NF1: variants seen among roughly 807,000 people sequenced by gnomAD.
NF1 encodes neurofibromin.
NF1 carries 122 observed loss-of-function variants against 325.7 expected under a neutral mutation model. The ratio of observed to expected loss-of-function variants is 0.37; its 90% CI spans 0.32 to 0.44. The LOEUF is 0.44. Ranked by LOEUF, NF1 falls within the 20% of genes least tolerant of loss-of-function variation. NF1 has a pLI of 1.00. For missense variants in NF1, 2,140 were observed against 3,415.4 expected (o/e 0.63, Z 9.31); for synonymous variants, 1,091 against 1,186.0 (o/e 0.92, Z 1.65).
chr17:31,107,364 A>G (rs1177704041), intron 1 of NF1, among the ~76,000 whole-genome samples: 2 of 152,184 alleles, frequency 1.3e-5, no homozygotes, highest in Non-Finnish European at 2.9e-5. Flanking sequence ...AGATCAACGA[A>G]GACCTGAAGC....
At chr17:31,277,705 GCAGGGTCCCA>G (rs1426630885) in intron 36 of NF1, among the ~76,000 whole-genome samples, 1 of 152,116 alleles carries the variant, frequency 6.6e-6, no homozygotes, top group Non-Finnish European at 1.5e-5. Flanking sequence ...CTCCGTTTCT[GCAGGGTCCCA>G]GTGGGCTGGC....
intron 12 of NF1, among the ~76,000 whole-genome samples, chr17:31,210,446 G>A (rs2066709285): frequency 6.6e-6 from 1 of 152,070 alleles, no homozygotes; most frequent in Non-Finnish European, 1.5e-5. Context: ...TTAGGCAGGC[G>A]TGGTGGCAGG....
At chr17:31,188,415 ATTG>A (rs2066280009) in intron 8 of NF1, among the ~76,000 whole-genome samples, 1 of 152,154 alleles carries the variant, frequency 6.6e-6, no homozygotes, top group African/African-American at 2.4e-5. Context: ...CATTTTAAGT[ATTG>A]TTAACTTTTA....
At chr17:31,096,139 C>T (rs530259460) in intron 1 of NF1, among the ~76,000 whole-genome samples, 3 of 151,400 alleles carry the variant, frequency 2.0e-5, no homozygotes, top group African/African-American at 7.3e-5. Context: ...CTTCCCCCCC[C>T]CCTTTTTTTT....
At position 31,338,271 on chromosome 17, in the gene NF1, A is replaced by C. The variant is rs919207542; in HGVS notation, c.6819+132A>C. On this transcript the variant is annotated intron_variant, in intron 45 of 57. Transcript: ENST00000358273. ...TTATATGTTACTTATTAAGCCTTTA[A>C]AATGTATTTTGATTATTTATTGTAA... is the stretch of plus-strand genomic sequence containing the variant. The C allele has an allele frequency of 7.0e-6, 5 of 718,856 alleles. No individual in the cohort carries two copies. The African/African-American group carries it at 7.1e-5, about 10-fold the overall frequency. 44.5% of individuals were successfully genotyped at this position (718,856 alleles called of 1,614,324 possible). A position where few individuals can be genotyped will look rare whatever the true frequency, so the allele number is the denominator to read the frequency against.
intron 31 of NF1, among the ~76,000 whole-genome samples, chr17:31,256,656 C>T (rs1307286246): frequency 2.6e-5 from 4 of 152,190 alleles, no homozygotes; most frequent in Non-Finnish European, 5.9e-5. Context: ...CTTAATTTTA[C>T]ATCTTTCTAT....
intron 1 of NF1, among the ~76,000 whole-genome samples, chr17:31,149,662 T>G (rs1916801626): frequency 6.6e-6 from 1 of 152,156 alleles, no homozygotes; most frequent in Admixed American, 6.5e-5. Flanking sequence ...GGTGAGTATC[T>G]GGAATGGGGA....
At chr17:31,168,511 T>A (rs1476887094) in intron 4 of NF1, among the ~76,000 whole-genome samples, 1 of 152,202 alleles carries the variant, frequency 6.6e-6, no homozygotes, top group East Asian at 1.9e-4. Context: ...GAGCCTCTGT[T>A]AATCAGTATC....
At chr17:31,227,928 A>G (rs901612413) in intron 20 of NF1, among the ~76,000 whole-genome samples, 1 of 152,234 alleles carries the variant, frequency 6.6e-6, no homozygotes, top group Non-Finnish European at 1.5e-5. Context: ...TGTTCCTGTC[A>G]TCACAGAAAT....
chr17:31,313,044 G>T (rs17884633), intron 36 of NF1, among the ~76,000 whole-genome samples: 2,713 of 151,910 alleles, frequency 0.018, 95 homozygotes, highest in African/African-American at 0.062. Flanking sequence ...AACATTTTTG[G>T]CTTAGTAAGC....
chr17:31,290,771 C>T (rs971195648), intron 36 of NF1, among the ~76,000 whole-genome samples: 4 of 152,034 alleles, frequency 2.6e-5, no homozygotes, highest in Non-Finnish European at 5.9e-5. Flanking sequence ...TTTGGGAGGC[C>T]GAGGCAAGCA....
At chr17:31,214,902 C>T (rs2143963266) in intron 13 of NF1, among the ~76,000 whole-genome samples, 1 of 152,038 alleles carries the variant, frequency 6.6e-6, no homozygotes, top group African/African-American at 2.4e-5. Context: ...AGGTATAATC[C>T]TGGTATGGGG....
intron 36 of NF1, among the ~76,000 whole-genome samples, chr17:31,306,800 A>G (rs1215625658): frequency 6.7e-6 from 1 of 150,312 alleles, no homozygotes; most frequent in African/African-American, 2.4e-5. Flanking sequence ...AGGAGATTAA[A>G]AAAAAAAAAA....
intron 36 of NF1, among the ~76,000 whole-genome samples, chr17:31,307,030 T>A (rs1356656420): frequency 1.4e-5 from 2 of 144,192 alleles, no homozygotes; most frequent in Non-Finnish European, 3.0e-5. Flanking sequence ...ATTACAATAA[T>A]TTTTTTTTTT....
In NF1 at chr17:31,120,603, C is replaced by A. The variant is rs370791057; in HGVS notation, c.60+25234C>A. ...CTATTCAAATACCCTTTATTTTTTT[C>A]TCTTGCCTGATTGCCCTGGCCAGAA... On this transcript the variant is annotated intron_variant, in intron 1 of 57. Transcript: ENST00000358273. Among the ~76,000 whole-genome samples, 29 of 152,066 alleles carry A rather than the reference C, an allele frequency of 1.9e-4. 1 individual carries two copies. The highest frequency in any genetic ancestry group is 6.3e-4 in the African/African-American group (26 of 41,508).
intron 36 of NF1, among the ~76,000 whole-genome samples, chr17:31,284,722 C>T (rs1353345543): frequency 5.3e-5 from 8 of 152,144 alleles, no homozygotes; most frequent in Non-Finnish European, 1.2e-4. Flanking sequence ...CTGTGCCCGG[C>T]CAAAAGTTTT....
At chr17:31,337,962 TTTA>T (rs1402103878) in intron 44 of NF1, 60 bp from the exon 45 acceptor site, 3 of 1,534,402 alleles carry the variant, frequency 2.0e-6, no homozygotes, top group Non-Finnish European at 2.7e-6. Flanking sequence ...AATGTTATAA[TTTA>T]TTATTTAGTA....
rs552670058 is a variant in NF1, at chr17:31,177,131, C to T, written c.587-4291C>T. ...TTTTCACGATATTGATTCTTCCTAT[C>T]GATGAGCATGGAATGTTTTTCCGTT... On this transcript the variant is annotated intron_variant, in intron 5 of 57. Transcript: ENST00000358273. 8.5e-5 allele frequency among the ~76,000 whole-genome samples: 13 copies of T among 152,242 alleles called. No homozygotes were observed. In the East Asian group the frequency reaches 2.3e-3, roughly 27 times the overall value.
intron 19 of NF1, 30 bp from the exon 20 acceptor site, chr17:31,227,493 G>A (rs2151427358): frequency 1.2e-6 from 2 of 1,609,564 alleles, no homozygotes; most frequent in Non-Finnish European, 1.7e-6. Flanking sequence ...AGACTAAGTT[G>A]CTTTCAAGTG....
Sources: allele counts gnomAD v4.1 joint callset (sites outside exome capture counted in the v4.1 genomes callset), GRCh38; gene constraint gnomAD v4.1.1; transcripts MANE v1.5; gene names NCBI Gene and HGNC (gene_info 2026-07-23, HGNC 2026-07-21).